REST: variants seen among roughly 807,000 people sequenced by gnomAD.
REST encodes the protein RE1 silencing transcription factor.
In REST, 1 loss-of-function variant was observed where a neutral mutation model predicts 30.4. The observed-to-expected ratio is 0.03, with a 90% confidence interval of 0.01 to 0.16. The LOEUF (loss-of-function observed/expected upper bound fraction) is 0.16. Among genes scored for constraint, REST ranks in the 10% least tolerant of loss-of-function variants. REST has a pLI of 1.00. For missense variants in REST, 1,259 were observed against 1,329.5 expected (o/e 0.95, Z 0.82); for synonymous variants, 504 against 451.1 (o/e 1.12, Z -1.49).
chr4:56,935,572 A>G lies in REST; in HGVS notation c.*3420A>G, dbSNP rs1334487422. 1 of 152,250 alleles carries G rather than the reference A, an allele frequency of 6.6e-6. No individual in the cohort carries two copies. The highest frequency in any genetic ancestry group is 1.5e-5 in the Non-Finnish European group (1 of 68,046). 9.4% of individuals were successfully genotyped at this position (152,250 alleles called of 1,614,324 possible). ...TTGCACCAATTTTATAAACTTAAGC[A>G]GTGCAATACGTGTTACTTTTCTGAG... On this transcript the variant is annotated 3_prime_UTR_variant, in exon 4 of 4. Transcript: ENST00000309042.
At chr4:56,914,730 T>G (rs1291819300) in intron 2 of REST, among the ~76,000 whole-genome samples, 4 of 151,888 alleles carry the variant, frequency 2.6e-5, no homozygotes, top group Non-Finnish European at 1.5e-5. Flanking sequence ...ATTTTTGTAT[T>G]TTCAGTAGAG....
At chr4:56,927,793 A>G (rs1720779243) in intron 3 of REST, 2 of 207,342 alleles carry the variant, frequency 9.6e-6, no homozygotes, top group Non-Finnish European at 2.0e-5. Flanking sequence ...GCCACTTCTC[A>G]TTACCTAGTT....
chr4:56,921,510 A>G (rs747038691), intron 3 of REST, among the ~76,000 whole-genome samples: 11 of 152,074 alleles, frequency 7.2e-5, no homozygotes, highest in Admixed American at 1.3e-4. Context: ...CCGGGGTTCA[A>G]GCAATTCTCA....
At chr4:56,911,653 T>C in intron 2 of REST, 117 bp downstream of exon 2, 1 of 832,158 alleles carries the variant, frequency 1.2e-6, no homozygotes, top group Non-Finnish European at 1.9e-6. Context: ...TCCATTTTGC[T>C]ATCTTTGTGA....
At chr4:56,919,540 A>C (rs1334870680) in intron 2 of REST, among the ~76,000 whole-genome samples, 1 of 152,226 alleles carries the variant, frequency 6.6e-6, no homozygotes, top group Non-Finnish European at 1.5e-5. Context: ...GAAAATTAAA[A>C]GGGCTGTGAG....
chr4:56,911,545 A>C lies in REST; in HGVS notation c.898+9A>C. 1 of 1,601,218 alleles carries C rather than the reference A, an allele frequency of 6.2e-7. No homozygotes were observed. The highest frequency in any genetic ancestry group is 1.1e-5 in the South Asian group (1 of 90,260). On this transcript the variant is annotated intron_variant, in intron 2 of 3. Coordinates refer to ENST00000309042, the MANE Select transcript of REST (RefSeq NM_005612.5). ...TGTTAGAACTCATACAGGTAAGAGA[A>C]GCTTTCTAGTCCATAAGTTCAGTTC...
Position 56,931,590 on chromosome 4 carries a change from C to A in REST, c.2732C>A (p.Ala911Asp), listed in dbSNP as rs764969815. The change falls in exon 4 of 4, where the codon GCT (alanine) becomes GAT (aspartate). Residue 911 changes from alanine to aspartate, a missense_variant. Physicochemically the swap from Ala to Asp is moderately radical, Grantham distance 126 (BLOSUM62 -2). Around this residue, in one of 5 missense-constraint regions of REST, gnomAD observed 856 missense variants for 772.8 expected, o/e 1.11. Transcript: ENST00000309042. ...GATGAGAGCCTACCTGGTCTTGCTGCTAATATCAACGAATCTACCCATATT... is the reference window on the plus strand; with the variant it reads ...GATGAGAGCCTACCTGGTCTTGCTGATAATATCAACGAATCTACCCATATT... ...EADESLPGLA[A>D]NINESTHISS... 1.9e-6 allele frequency: 3 copies of A among 1,614,186 alleles called. No individual in the cohort carries two copies. The East Asian group carries it at 6.7e-5, about 36-fold the overall frequency.
intron 2 of REST, among the ~76,000 whole-genome samples, chr4:56,915,483 T>C (rs1312686930): frequency 6.6e-6 from 1 of 151,760 alleles, no homozygotes; most frequent in African/African-American, 2.4e-5. Context: ...CTCCTGACCT[T>C]GTGATCAGCT....
Position 56,930,019 on chromosome 4 carries a change from G to A in REST, c.1161G>A (p.Arg387=), listed in dbSNP as rs1287216487. 3 of 1,614,148 alleles carry A rather than the reference G, an allele frequency of 1.9e-6. No individual in the cohort carries two copies. Among genetic ancestry groups the A allele is most frequent in the East Asian group, 4.5e-5 (2 of 44,878 alleles). Residue 387 remains arginine (R), a synonymous_variant, in exon 4 of 4, where the codon CGG becomes CGA. Coordinates refer to ENST00000309042, the MANE Select transcript of REST (RefSeq NM_005612.5). ...KKHVELHVNP[R]QFNCPVCDYA... ...ATGTAGAGCTACATGTGAACCCACGGCAGTTCAATTGCCCTGTATGTGACT... is the reference window on the plus strand; with the variant it reads ...ATGTAGAGCTACATGTGAACCCACGACAGTTCAATTGCCCTGTATGTGACT...
chr4:56,924,637 T>C (rs901179400), intron 3 of REST, among the ~76,000 whole-genome samples: 1 of 151,900 alleles, frequency 6.6e-6, no homozygotes, highest in African/African-American at 2.4e-5. Flanking sequence ...TTTTTCTTTC[T>C]TTTTTGTAGA....
intron 2 of REST, among the ~76,000 whole-genome samples, chr4:56,914,437 T>C (rs1720083097): frequency 6.6e-6 from 1 of 152,168 alleles, no homozygotes; most frequent in East Asian, 1.9e-4. Context: ...GTAGTCCCTT[T>C]GGAATTTGTC....
intron 3 of REST, 84 bp from the exon 4 acceptor site, chr4:56,929,757 T>A: frequency 8.2e-7 from 1 of 1,218,242 alleles, no homozygotes. Context: ...TCTTTGTTGT[T>A]ACTTTACATA....
rs759167194 is a variant in REST, at chr4:56,931,589, G to A, written c.2731G>A (p.Ala911Thr). ...AGATGAGAGCCTACCTGGTCTTGCTGCTAATATCAACGAATCTACCCATAT... is the reference window on the plus strand; with the variant it reads ...AGATGAGAGCCTACCTGGTCTTGCTACTAATATCAACGAATCTACCCATAT... ...EADESLPGLA[A>T]NINESTHISS... The change falls in exon 4 of 4, where the codon GCT (alanine) becomes ACT (threonine). Residue 911 changes from alanine (A) to threonine (T), a missense_variant. Ala to Thr is a moderately conservative substitution (Grantham distance 58). This residue lies in a region of REST where 856 missense variants were observed against 772.8 expected (regional missense o/e 1.11). Transcript: ENST00000309042. The A allele has an allele frequency of 1.9e-6, 3 of 1,614,220 alleles. No homozygotes were observed. The East Asian group carries it at 6.7e-5, about 36-fold the overall frequency.
chr4:56,917,000 G>A (rs897678660), intron 2 of REST, among the ~76,000 whole-genome samples: 1 of 151,128 alleles, frequency 6.6e-6, no homozygotes. Flanking sequence ...TCCAATTTCA[G>A]CACATCCTTA....
Position 56,919,961 on chromosome 4 carries a change from T to C in REST, c.982+91T>C, listed in dbSNP as rs1720372549. 9.6e-6 allele frequency: 5 copies of C among 519,866 alleles called. No homozygotes were observed. The South Asian group carries it at 2.3e-4, about 24-fold the overall frequency. The allele number at this position is 519,866 out of a possible 1,614,324, so 32.2% of individuals were successfully genotyped here. ...GACTTGTAACCGAGTCATTTACTTA[T>C]TATTTATTTTTAATATAATTTAGAA... On this transcript the variant is annotated intron_variant, in intron 3 of 3. Coordinates refer to ENST00000309042, the MANE Select transcript of REST (RefSeq NM_005612.5).
Position 56,930,360 on chromosome 4 carries a change from A to G in REST, c.1502A>G (p.Glu501Gly). 1.2e-6 allele frequency: 2 copies of G among 1,614,102 alleles called. No homozygotes were observed. Among genetic ancestry groups the G allele is most frequent in the Non-Finnish European group, 8.5e-7 (1 of 1,180,010 alleles). The change falls in exon 4 of 4, where the codon GAG becomes GGG. Residue 501 changes from glutamate (E) to glycine (G), a missense_variant. Glu to Gly is a moderately conservative substitution (Grantham distance 98, BLOSUM62 -2). This residue lies in a region of REST where 856 missense variants were observed against 772.8 expected (regional missense o/e 1.11). Coordinates refer to ENST00000309042, the MANE Select transcript of REST (RefSeq NM_005612.5). ...RTRKSVTEVK[E>G]MDVHTGSNSE... ...CGAAAATCAGTAACAGAGGTGAAAG[A>G]GATGGATGTGCATACAGGAAGCAAT...
chr4:56,934,332 T>A lies in REST; in HGVS notation c.*2180T>A, dbSNP rs1342341593. 6.6e-6 allele frequency: 1 copy of A among 152,192 alleles called. No individual in the cohort carries two copies. The highest frequency in any genetic ancestry group is 2.4e-5 in the African/African-American group (1 of 41,450). The allele number at this position is 152,192 out of a possible 1,614,324, so 9.4% of individuals were successfully genotyped here. A position where few individuals can be genotyped will look rare whatever the true frequency, so the allele number is the denominator to read the frequency against. Reference sequence around the variant, plus strand: ...TAGGAATTAGTTTGGGGAAGAGGTTTTTTTGTGGATTCTTTCATACTGCAA... The same window carrying A: ...TAGGAATTAGTTTGGGGAAGAGGTTATTTTGTGGATTCTTTCATACTGCAA... On this transcript the variant is annotated 3_prime_UTR_variant, in exon 4 of 4. Transcript: ENST00000309042.
At chr4:56,909,924 G>A (rs1719818360) in intron 1 of REST, among the ~76,000 whole-genome samples, 1 of 152,210 alleles carries the variant, frequency 6.6e-6, no homozygotes, top group South Asian at 2.1e-4. Context: ...TCAGCCTGCA[G>A]AAAAATAAGC....
At chr4:56,922,276 G>GTATTATTATTAT (rs10569417) in intron 3 of REST, 10 of 135,112 alleles carry the variant, frequency 7.4e-5, no homozygotes, top group African/African-American at 1.1e-4. Flanking sequence ...TGAGAGCTTT[G>GTATTATTATTAT]TATTATTATT....
Sources: allele counts gnomAD v4.1 joint callset (sites outside exome capture counted in the v4.1 genomes callset), GRCh38; gene constraint gnomAD v4.1.1; regional missense constraint gnomAD v4.1.1; transcripts MANE v1.5; gene names NCBI Gene and HGNC (gene_info 2026-07-23, HGNC 2026-07-21).